The following RUBCN variants were observed in gnomAD, a reference collection of about 807,000 sequenced individuals.
RUBCN encodes the protein run domain Beclin-1-interacting and cysteine-rich domain-containing protein.
Under a neutral mutation model 113.2 loss-of-function variants are expected in RUBCN, and 74 were observed. That is an observed-to-expected ratio of 0.65 (90% CI 0.54 to 0.79). The LOEUF is 0.79. Among genes scored for constraint, RUBCN ranks in the 30% least tolerant of loss-of-function variants. The probability of loss-of-function intolerance (pLI) is 0.00; values close to 1 mark genes in which losing one functional copy is unlikely to be tolerated. For synonymous variants in RUBCN, 480 were observed against 490.0 expected, an observed-to-expected ratio of 0.98 and a Z score of 0.27; for missense variants, 1,109 against 1,251.7, an observed-to-expected ratio of 0.89 and a Z score of 1.72.
chr3:197,749,720 C>A (rs897627125), upstream of RUBCN: 1 of 623,096 alleles, frequency 1.6e-6, no homozygotes, highest in African/African-American at 1.8e-5. Flanking sequence ...TCCTCGCGAG[C>A]GCCTAGCACA....
chr3:197,698,915 T>C (rs377161966), intron 7 of RUBCN, among the ~76,000 whole-genome samples: 151 of 143,722 alleles, frequency 1.1e-3, no homozygotes, highest in African/African-American at 3.7e-3. Context: ...CTCAGACAAA[T>C]AGCAGGCCTC....
At chr3:197,679,981 A>G (rs1221641676) in intron 16 of RUBCN, among the ~76,000 whole-genome samples, 12 of 124,228 alleles carry the variant, frequency 9.7e-5, no homozygotes, top group Middle Eastern at 6.0e-3. Flanking sequence ...CCTACGCTCT[A>G]ACTGACAACT....
At chr3:197,676,427 C>T (rs760404514) in intron 18 of RUBCN, 88 of 701,352 alleles carry the variant, frequency 1.3e-4, no homozygotes, top group Admixed American at 1.0e-4. Context: ...AATTCTCCTG[C>T]CTCAGCCTCC....
chr3:197,706,160 A>C (rs1022502411), intron 2 of RUBCN, among the ~76,000 whole-genome samples: 2 of 152,200 alleles, frequency 1.3e-5, no homozygotes, highest in African/African-American at 4.8e-5. Context: ...AAATCAAATA[A>C]GGAAACATCT....
chr3:197,732,044 A>C (rs1727567540), intron 1 of RUBCN, among the ~76,000 whole-genome samples: 1 of 152,236 alleles, frequency 6.6e-6, no homozygotes. Flanking sequence ...TGAGTGGAAA[A>C]TGCTATTAAC....
chr3:197,721,960 C>T (rs1455558017), intron 1 of RUBCN, among the ~76,000 whole-genome samples: 6 of 152,010 alleles, frequency 3.9e-5, no homozygotes, highest in Admixed American at 2.0e-4. Flanking sequence ...CTTGAATGGC[C>T]GGGTGCGGTG....
chr3:197,677,066 G>A (rs1410494290), intron 17 of RUBCN, 28 bp from the exon 18 acceptor site: 2 of 1,606,920 alleles, frequency 1.2e-6, no homozygotes, highest in Non-Finnish European at 1.7e-6. Flanking sequence ...AGGCAGGTGA[G>A]GGAATGAACA....
At position 197,669,150 on chromosome 3, in the gene RUBCN, G is replaced by A. The variant is rs1158266367; in HGVS notation, c.*5868C>T. 6.6e-6 allele frequency among the ~76,000 whole-genome samples: 1 copy of A among 152,154 alleles called. No individual in the cohort carries two copies. The highest frequency in any genetic ancestry group is 1.9e-4 in the East Asian group (1 of 5,202). On this transcript the variant is annotated 3_prime_UTR_variant, in exon 20 of 20. Coordinates refer to ENST00000296343, the MANE Select transcript of RUBCN (RefSeq NM_014687.4). ...GTCACATAGCCCTCACCCGATTTCA[G>A]CTCTCCCTAATGTTACCATCTTACA...
Position 197,705,085 on chromosome 3 carries a change from C to T in RUBCN, c.303+7G>A. 6.2e-7 allele frequency: 1 copy of T among 1,611,794 alleles called. No individual in the cohort carries two copies. The highest frequency in any genetic ancestry group is 8.5e-7 in the Non-Finnish European group (1 of 1,178,152). ...TGCCAGCACAGCCGCTCTGCTCTCA[C>T]TCTTACCTTCTCCACGTGAAGGGCT... is the stretch of plus-strand genomic sequence containing the variant. On this transcript the variant is annotated splice_region_variant and intron_variant, in intron 3 of 19. Coordinates refer to ENST00000296343, the MANE Select transcript of RUBCN (RefSeq NM_014687.4).
chr3:197,679,125 T>TCTAA (rs1720862412), intron 16 of RUBCN, among the ~76,000 whole-genome samples: 1 of 147,262 alleles, frequency 6.8e-6, no homozygotes, highest in Non-Finnish European at 1.5e-5. Context: ...TGTCCTATGC[T>TCTAA]CTGACAACTG....
chr3:197,677,487 C>T lies in RUBCN; in HGVS notation c.2485G>A (p.Ala829Thr). ...AGCTCCAAAAGGACTTACTCCTTGG[C>T]CAGTCGGCAAGTCTTGAACATGTTC... ...MKNMFKTCRL[A>T]KELLDSFDTV... The change falls in exon 17 of 20, where the codon GCC becomes ACC. Residue 829 changes from alanine (A) to threonine (T), a missense_variant. Ala to Thr is a moderately conservative substitution (Grantham distance 58). This residue lies in a region of RUBCN where 306 missense variants were observed against 348.9 expected (regional missense o/e 0.88). Transcript: ENST00000296343. The T allele has an allele frequency of 1.2e-6, 2 of 1,614,058 alleles. No homozygotes were observed. The highest frequency in any genetic ancestry group is 1.7e-6 in the Non-Finnish European group (2 of 1,179,880).
Position 197,736,750 on chromosome 3 carries a change from G to GAGA in RUBCN, c.-34_-32dup. On this transcript the variant is annotated 5_prime_UTR_variant, in exon 1 of 20. Coordinates refer to ENST00000296343, the MANE Select transcript of RUBCN (RefSeq NM_014687.4). ...GCGGTGAGGCCGCCTCTTCGCCCAA[G>GAGA]AGAGGCGTCCCTGCCGCTTCGCCCT... 11 of 1,527,628 alleles carry GAGA rather than the reference G, an allele frequency of 7.2e-6. No individual in the cohort carries two copies. Among genetic ancestry groups the GAGA allele is most frequent in the Non-Finnish European group, 8.7e-6 (10 of 1,144,108 alleles). The allele number at this position is 1,527,628 out of a possible 1,614,324, so 94.6% of individuals were successfully genotyped here. A position where few individuals can be genotyped will look rare whatever the true frequency, so the allele number is the denominator to read the frequency against.
At chr3:197,705,550 G>A (rs1352955832) in intron 2 of RUBCN, among the ~76,000 whole-genome samples, 1 of 129,962 alleles carries the variant, frequency 7.7e-6, no homozygotes, top group Non-Finnish European at 1.6e-5. Context: ...AGGCAACAGA[G>A]TGAGACCCTA....
At chr3:197,692,765 T>G (rs1002979228) in intron 11 of RUBCN, among the ~76,000 whole-genome samples, 12 of 152,132 alleles carry the variant, frequency 7.9e-5, no homozygotes, top group African/African-American at 2.7e-4. Flanking sequence ...CTCGAAAATG[T>G]GTGAAAAAAC....
chr3:197,682,605 A>ATGGGCAGGAGC lies in RUBCN; in HGVS notation c.1981-1_1990dup (p.Ile664SerfsTer41), dbSNP rs776463527. ...CGGTGAGATGGGCAGTGAGTCAGGA[A>ATGGGCAGGAGC]TGGGCAGGAGCTGCAGGAGGAAAGC... On this transcript the variant is annotated frameshift_variant, in exon 14 of 20. Transcript: ENST00000296343. LOFTEE classifies it high-confidence loss of function. 1.7e-5 allele frequency: 27 copies of ATGGGCAGGAGC among 1,613,736 alleles called. No homozygotes were observed. Among genetic ancestry groups the ATGGGCAGGAGC allele is most frequent in the Non-Finnish European group, 2.2e-5 (26 of 1,179,824 alleles).
In RUBCN at chr3:197,687,661, C is replaced by T. The variant is rs528767037; in HGVS notation, c.1787-3444G>A. Among the ~76,000 whole-genome samples, 437 of 152,346 alleles carry T rather than the reference C, an allele frequency of 2.9e-3. 5 individuals are homozygous for T. The highest frequency in any genetic ancestry group is 0.01 in the African/African-American group (422 of 41,584). On this transcript the variant is annotated intron_variant, in intron 11 of 19. Transcript: ENST00000296343. ...GTGACGCCCTCATAAACAGCTCCCT[C>T]GGCACCTGCCGGAAGAGCTTCCCTG...
upstream of RUBCN, among the ~76,000 whole-genome samples, chr3:197,738,684 G>A (rs922883638): frequency 6.6e-6 from 1 of 152,064 alleles, no homozygotes; most frequent in Non-Finnish European, 1.5e-5. Context: ...CTCCTCAAGC[G>A]GATCCTCTCA....
chr3:197,712,350 A>G (rs2108941306), intron 2 of RUBCN, among the ~76,000 whole-genome samples: 1 of 152,322 alleles, frequency 6.6e-6, no homozygotes, highest in Non-Finnish European at 1.5e-5. Flanking sequence ...AATTTTTAAA[A>G]ATACAATTCA....
chr3:197,728,599 G>C (rs543173566), intron 1 of RUBCN, among the ~76,000 whole-genome samples: 1 of 152,322 alleles, frequency 6.6e-6, no homozygotes, highest in South Asian at 2.1e-4. Context: ...TGACCACAAC[G>C]TTAATGTCTT....
Sources: gnomAD v4.1 joint callset for allele counts (sites outside exome capture counted in the v4.1 genomes callset) on GRCh38, gnomAD v4.1.1 for gene constraint, gnomAD v4.1.1 regional missense constraint, MANE v1.5 for transcripts, NCBI Gene and HGNC (gene_info 2026-07-23, HGNC 2026-07-21) for gene names.